The following LIMS4 variants were observed in gnomAD, a reference collection of about 807,000 sequenced individuals.
LIMS4 encodes LIM zinc finger domain containing 4, also known as LIM and senescent cell antigen-like-containing domain protein 4.
the LIMS4 span, among the ~76,000 whole-genome samples, chr2:110,373,672 G>A: frequency 6.6e-6 from 1 of 151,562 alleles, no homozygotes; most frequent in East Asian, 1.9e-4. Context: ...GTCAGCAGTA[G>A]GATGGGAGGC....
chr2:110,425,314 A>C, the LIMS4 span, among the ~76,000 whole-genome samples: 1 of 142,274 alleles, frequency 7.0e-6, no homozygotes, highest in Non-Finnish European at 1.5e-5. Flanking sequence ...TAGGAGGTTG[A>C]GGCTGCAGTG....
the LIMS4 span, chr2:110,361,921 G>A: frequency 1.4e-6 from 2 of 1,455,798 alleles, no homozygotes; most frequent in Non-Finnish European, 9.6e-7. Flanking sequence ...AACCTTGAAG[G>A]CGAGACTTCA....
the LIMS4 span, among the ~76,000 whole-genome samples, chr2:110,382,254 A>C: frequency 1.8e-5 from 1 of 56,814 alleles, no homozygotes; most frequent in Non-Finnish European, 3.1e-5. Flanking sequence ...ATATACAAGC[A>C]GCCAATAAAC....
At chr2:110,382,795 T>C in the LIMS4 span, 1 of 125,520 alleles carries the variant, frequency 8.0e-6, no homozygotes, top group Non-Finnish European at 1.6e-5. Context: ...TGGTCTAGAA[T>C]AGGCAAATCC....
chr2:110,365,884 C>A, the LIMS4 span, among the ~76,000 whole-genome samples: 6 of 147,172 alleles, frequency 4.1e-5, no homozygotes, highest in East Asian at 9.7e-4. Flanking sequence ...AACTCTGAGA[C>A]CATTATGAAC....
chr2:110,381,772 T>C, the LIMS4 span, among the ~76,000 whole-genome samples: 1 of 17,458 alleles, frequency 5.7e-5, no homozygotes, highest in African/African-American at 3.1e-4. Flanking sequence ...GAGAATTGTA[T>C]AAGAATATGT....
At chr2:110,392,909 A>AC in the LIMS4 span, among the ~76,000 whole-genome samples, 158 of 61,194 alleles carry the variant, frequency 2.6e-3, 1 homozygote, top group African/African-American at 0.011. Flanking sequence ...GCTTACAGAG[A>AC]CCCCCCCTAG....
the LIMS4 span, among the ~76,000 whole-genome samples, chr2:110,426,870 G>A: frequency 7.5e-6 from 1 of 134,076 alleles, no homozygotes; most frequent in Non-Finnish European, 1.5e-5. Flanking sequence ...TGGGATTACT[G>A]GATCAAATGG....
At chr2:110,391,419 C>T in the LIMS4 span, among the ~76,000 whole-genome samples, 1 of 98,566 alleles carries the variant, frequency 1.0e-5, no homozygotes, top group Non-Finnish European at 1.9e-5. Context: ...GGGCCAAGTT[C>T]CCCTCTGTTG....
the LIMS4 span, among the ~76,000 whole-genome samples, chr2:110,371,970 G>T: frequency 2.0e-5 from 3 of 152,100 alleles, no homozygotes; most frequent in Admixed American, 2.0e-4. Context: ...GTGGGTGGAA[G>T]ATGCCTGTCG....
chr2:110,425,621 T>G, the LIMS4 span, among the ~76,000 whole-genome samples: 1 of 142,346 alleles, frequency 7.0e-6, no homozygotes, highest in Non-Finnish European at 1.5e-5. Context: ...CCTTAACCCC[T>G]AAAGAGCAAG....
At chr2:110,368,810 C>T in the LIMS4 span, among the ~76,000 whole-genome samples, 7 of 141,566 alleles carry the variant, frequency 4.9e-5, no homozygotes, top group African/African-American at 8.3e-5. Context: ...GTGTTCTGAG[C>T]CATTTTTGGT....
chr2:110,419,003 TCTCTTC>T, the LIMS4 span, among the ~76,000 whole-genome samples: 3 of 85,176 alleles, frequency 3.5e-5, no homozygotes, highest in African/African-American at 1.1e-4. Flanking sequence ...ATTTTCTCTT[TCTCTTC>T]TTCTCAGAGC....
the LIMS4 span, among the ~76,000 whole-genome samples, chr2:110,390,884 G>A: frequency 5.9e-5 from 9 of 152,296 alleles, no homozygotes; most frequent in African/African-American, 2.2e-4. Context: ...ACATATAAGT[G>A]GGGAAAGGAG....
At chr2:110,368,117 A>G in the LIMS4 span, among the ~76,000 whole-genome samples, 3 of 147,294 alleles carry the variant, frequency 2.0e-5, no homozygotes, top group African/African-American at 7.7e-5. Flanking sequence ...GGCTACCTTA[A>G]CAAATAAGGC....
At chr2:110,442,652 T>TATATACACAC (rs1184944744), downstream of LIMS4, among the ~76,000 whole-genome samples, 648 of 147,624 alleles carry the variant, frequency 4.4e-3, no homozygotes, top group Non-Finnish European at 7.6e-3. Context: ...TATATACATA[T>TATATACACAC]ATATACACAC....
At chr2:110,373,728 C>T in the LIMS4 span, among the ~76,000 whole-genome samples, 10 of 150,126 alleles carry the variant, frequency 6.7e-5, no homozygotes, top group South Asian at 1.7e-3. Flanking sequence ...TAGCCCAAGG[C>T]AGCCAATCTC....
chr2:110,359,657 T>A, the LIMS4 span, among the ~76,000 whole-genome samples: 8 of 101,942 alleles, frequency 7.8e-5, no homozygotes, highest in African/African-American at 2.9e-4. Context: ...GTCAGCTGAT[T>A]TTTTTTTCTA....
the LIMS4 span, among the ~76,000 whole-genome samples, chr2:110,367,082 A>G: frequency 1.3e-5 from 2 of 151,006 alleles, no homozygotes; most frequent in East Asian, 1.9e-4. Context: ...GCTGACCCAA[A>G]CAAATCGAAA....
Sources: gnomAD v4.1 joint callset for allele counts (sites outside exome capture counted in the v4.1 genomes callset) on GRCh38, gnomAD v4.1.1 for gene constraint, MANE v1.5 for transcripts, NCBI Gene and HGNC (gene_info 2026-07-23, HGNC 2026-07-21) for gene names.